Variants in CDH11 observed in about 807,000 individuals in gnomAD.
The protein encoded by CDH11 is cadherin-11.
In CDH11, 11 loss-of-function variants were observed where a neutral mutation model predicts 67.8. The observed-to-expected ratio is 0.16, with a 90% CI of 0.10 to 0.27. The LOEUF (loss-of-function observed/expected upper bound fraction) is 0.27. CDH11 is among the 10% of genes least tolerant of loss of function. The pLI is 1.00. For missense variants in CDH11, 847 were observed against 1,031.2 expected (o/e 0.82, Z 2.45); for synonymous variants, 419 against 400.0 (o/e 1.05, Z -0.57).
At chr16:65,092,085 G>T (rs1460343181) in intron 1 of CDH11, among the ~76,000 whole-genome samples, 4 of 152,100 alleles carry the variant, frequency 2.6e-5, no homozygotes, top group Admixed American at 2.6e-4. Flanking sequence ...TGTCATAGAT[G>T]TTGTGCCTCT....
At chr16:65,076,531 T>G (rs1196388683) in intron 1 of CDH11, among the ~76,000 whole-genome samples, 2 of 152,036 alleles carry the variant, frequency 1.3e-5, no homozygotes, top group Non-Finnish European at 2.9e-5. Context: ...TGGCAGCACA[T>G]GGTATTTTTT....
intron 1 of CDH11, among the ~76,000 whole-genome samples, chr16:65,096,443 G>GTGTGTGTGTGTGTGTGTA (rs71143551): frequency 7.2e-6 from 1 of 138,450 alleles, no homozygotes; most frequent in East Asian, 2.1e-4. Context: ...GTGTGTGTGT[G>GTGTGTGTGTGTGTGTGTA]TATATATATG....
At chr16:64,948,761 AG>A (rs764602500) in intron 12 of CDH11, 29 of 1,601,314 alleles carry the variant, frequency 1.8e-5, no homozygotes, top group Non-Finnish European at 2.4e-5. Context: ...TCCCTGGGAG[AG>A]GGGGGTTCCA....
chr16:64,975,695 T>C (rs892669330), intron 8 of CDH11, among the ~76,000 whole-genome samples: 9 of 152,166 alleles, frequency 5.9e-5, no homozygotes, highest in Non-Finnish European at 1.2e-4. Flanking sequence ...TGTGTGTTTT[T>C]ATTTTCCTCT....
chr16:65,091,841 C>T (rs2052908917), intron 1 of CDH11, among the ~76,000 whole-genome samples: 1 of 152,144 alleles, frequency 6.6e-6, no homozygotes, highest in Admixed American at 6.5e-5. Context: ...ATACCCTAGC[C>T]TCAGTTCCCT....
intron 2 of CDH11, among the ~76,000 whole-genome samples, chr16:65,026,992 T>C (rs1490801758): frequency 6.6e-6 from 1 of 152,134 alleles, no homozygotes; most frequent in Non-Finnish European, 1.5e-5. Context: ...AAGCTAATCA[T>C]TGTCAAAGGG....
At chr16:65,107,926 G>A (rs9931843) in intron 1 of CDH11, among the ~76,000 whole-genome samples, 37,433 of 152,064 alleles carry the variant, frequency 0.25, 5,149 homozygotes, top group African/African-American at 0.37. Context: ...TATCAGCAAT[G>A]CCAGCATTGC....
intron 2 of CDH11, among the ~76,000 whole-genome samples, chr16:65,032,674 T>C (rs2073667879): frequency 6.6e-6 from 1 of 152,106 alleles, no homozygotes; most frequent in Admixed American, 6.5e-5. Context: ...GGTAGTGCCT[T>C]TGCAAAAAAA....
rs1467335171 is a variant in CDH11 at position 65,008,891 on chromosome 16, C to T, written c.-172-3850G>A. On this transcript the variant is annotated intron_variant, in intron 2 of 12. Transcript: ENST00000268603. ...AAATACTAATATAGTTAAAATTTAC[C>T]GGGTGTTATCCGCCTAACATTCTTG... 3.3e-5 allele frequency among the ~76,000 whole-genome samples: 5 copies of T among 151,980 alleles called. No individual in the cohort carries two copies. In the East Asian group the frequency reaches 7.7e-4, roughly 23 times the overall value.
intron 11 of CDH11, among the ~76,000 whole-genome samples, chr16:64,953,819 T>G (rs916687049): frequency 6.6e-6 from 1 of 152,218 alleles, no homozygotes; most frequent in Non-Finnish European, 1.5e-5. Flanking sequence ...AAATGAATGT[T>G]AAAAATTTAA....
chr16:64,966,585 C>A (rs140437748), intron 11 of CDH11, among the ~76,000 whole-genome samples: 1 of 151,696 alleles, frequency 6.6e-6, no homozygotes, highest in East Asian at 1.9e-4. Flanking sequence ...AATAAAGATA[C>A]CCTTACAAAG....
chr16:65,023,416 C>A (rs1441534405), intron 2 of CDH11, among the ~76,000 whole-genome samples: 1 of 152,198 alleles, frequency 6.6e-6, no homozygotes, highest in African/African-American at 2.4e-5. Context: ...AAAGATGTCA[C>A]AGGGTGAATC....
At chr16:65,035,364 G>A (rs2073732538) in intron 2 of CDH11, among the ~76,000 whole-genome samples, 1 of 152,198 alleles carries the variant, frequency 6.6e-6, no homozygotes, top group South Asian at 2.1e-4. Flanking sequence ...CTCAAAGTAA[G>A]TTGCAAAGCA....
intron 7 of CDH11, chr16:64,982,913 A>G (rs1310883439): frequency 1.3e-5 from 2 of 152,276 alleles, no homozygotes; most frequent in Admixed American, 1.3e-4. Context: ...TAGTGAGATA[A>G]TTCTTTCTTT....
intron 7 of CDH11, chr16:64,986,119 A>G (rs1487380190): frequency 6.6e-6 from 1 of 152,196 alleles, no homozygotes; most frequent in Non-Finnish European, 1.5e-5. Flanking sequence ...CTTTTACAGT[A>G]TTAAATTGCA....
chr16:65,108,070 A>G (rs1045761000), intron 1 of CDH11, among the ~76,000 whole-genome samples: 3 of 152,156 alleles, frequency 2.0e-5, no homozygotes, highest in Non-Finnish European at 2.9e-5. Flanking sequence ...TAGGCACCCA[A>G]TAAGAAAAGG....
At chr16:65,014,279 C>T (rs112348003) in intron 2 of CDH11, among the ~76,000 whole-genome samples, 30 of 151,880 alleles carry the variant, frequency 2.0e-4, no homozygotes, top group African/African-American at 6.5e-4. Context: ...ATGTCAGTCA[C>T]GTGTAATTTT....
At chr16:64,972,386 G>A (rs1453448179) in intron 9 of CDH11, among the ~76,000 whole-genome samples, 3 of 152,154 alleles carry the variant, frequency 2.0e-5, no homozygotes, top group Non-Finnish European at 4.4e-5. Flanking sequence ...TTAAATGTGG[G>A]AGTCTAGAGA....
intron 2 of CDH11, among the ~76,000 whole-genome samples, chr16:65,050,359 C>T (rs1445145694): frequency 6.6e-6 from 1 of 152,166 alleles, no homozygotes; most frequent in Non-Finnish European, 1.5e-5. Context: ...TCCGTCTTTC[C>T]TTCCCACTTG....
Sources: allele counts gnomAD v4.1 joint callset (sites outside exome capture counted in the v4.1 genomes callset), GRCh38; gene constraint gnomAD v4.1.1; transcripts MANE v1.5; gene names NCBI Gene and HGNC (gene_info 2026-07-23, HGNC 2026-07-21).